SSPN: variants seen among roughly 807,000 people sequenced by gnomAD.
The protein encoded by SSPN is sarcospan, also known as K-ras oncogene-associated protein.
Under a neutral mutation model 19.1 loss-of-function variants are expected in SSPN, and 15 were observed. That is an observed-to-expected ratio of 0.78 (90% CI 0.52 to 1.21). The LOEUF (loss-of-function observed/expected upper bound fraction) is 1.21, where lower values mean the gene tolerates loss of function less well. Ranked by LOEUF, SSPN falls within the 50% of genes most tolerant of loss-of-function variation. The pLI, the probability that SSPN is intolerant of heterozygous loss-of-function variation, is 0.00. For missense variants in SSPN, 291 were observed against 314.0 expected, an observed-to-expected ratio of 0.93 and a Z score of 0.55; for synonymous variants, 147 against 140.3, an observed-to-expected ratio of 1.05 and a Z score of -0.34.
chr12:26,150,712 A>T (rs1944520592), intron 1 of SSPN, among the ~76,000 whole-genome samples: 1 of 152,236 alleles, frequency 6.6e-6, no homozygotes, highest in Non-Finnish European at 1.5e-5. Flanking sequence ...GTCATAAACC[A>T]GCATAAAGCC....
chr12:26,165,628 G>A (rs1944616109), intron 1 of SSPN, among the ~76,000 whole-genome samples: 1 of 152,172 alleles, frequency 6.6e-6, no homozygotes, highest in Admixed American at 6.5e-5. Context: ...CAGCCCTAGG[G>A]GCAGGGAACA....
chr12:26,177,350 C>T (rs1317830402), intron 1 of SSPN, among the ~76,000 whole-genome samples: 1 of 152,176 alleles, frequency 6.6e-6, no homozygotes, highest in Non-Finnish European at 1.5e-5. Flanking sequence ...CTACATGGCT[C>T]TAGACACTCA....
At chr12:26,136,050 A>C (rs1382861151) in intron 1 of SSPN, among the ~76,000 whole-genome samples, 3 of 152,238 alleles carry the variant, frequency 2.0e-5, no homozygotes, top group Non-Finnish European at 4.4e-5. Flanking sequence ...AAATATTTGA[A>C]AATAAATTGT....
chr12:26,190,800 A>G (rs1944782776), upstream of SSPN, among the ~76,000 whole-genome samples: 1 of 152,216 alleles, frequency 6.6e-6, no homozygotes, highest in African/African-American at 2.4e-5. Context: ...ATACAATAAC[A>G]TGCACAGATC....
chr12:26,215,211 T>C (rs755933951), intron 1 of SSPN, among the ~76,000 whole-genome samples: 1 of 152,224 alleles, frequency 6.6e-6, no homozygotes, highest in Admixed American at 6.5e-5. Context: ...TGGCCATTGA[T>C]AGCAAGATCT....
chr12:26,220,733 C>T (rs1458019221), intron 1 of SSPN, among the ~76,000 whole-genome samples: 1 of 152,174 alleles, frequency 6.6e-6, no homozygotes, highest in Non-Finnish European at 1.5e-5. Flanking sequence ...TTCTGCCCCT[C>T]CTTTTCTATC....
chr12:26,232,103 G>A lies in SSPN; in HGVS notation c.*1027G>A. 1.0e-6 allele frequency: 1 copy of A among 985,442 alleles called. No individual in the cohort carries two copies. Among genetic ancestry groups the A allele is most frequent in the Non-Finnish European group, 1.2e-6 (1 of 829,920 alleles). The allele number at this position is 985,442 out of a possible 1,614,324, so 61.0% of individuals were successfully genotyped here. On this transcript the variant is annotated 3_prime_UTR_variant, in exon 3 of 3. Transcript: ENST00000242729. ...AAGTGTTTATACAAACAGCACATTT[G>A]TGATATGTTGAAAAGCATCTCTCTT...
rs752824233 is a variant in SSPN at position 26,230,895 on chromosome 12, G to A, written c.551G>A (p.Cys184Tyr). 3.7e-6 allele frequency: 6 copies of A among 1,614,158 alleles called. No homozygotes were observed. The highest frequency in any genetic ancestry group is 4.2e-6 in the Non-Finnish European group (5 of 1,180,032). ...RTFVYRDVTD[C>Y]TSVTGTFKLF... ...TTTGTTTACCGGGATGTGACGGACT[G>A]TACCAGCGTCACTGGCACTTTCAAA... Residue 184 changes from cysteine (C) to tyrosine (Y), a missense_variant, in exon 3 of 3, where the codon TGT (cysteine) becomes TAT (tyrosine). By Grantham distance (194) the Cys-to-Tyr change is radical. Coordinates refer to ENST00000242729, the MANE Select transcript of SSPN (RefSeq NM_005086.5).
intron 1 of SSPN, among the ~76,000 whole-genome samples, chr12:26,217,206 A>G (rs1945062927): frequency 8.4e-6 from 1 of 118,678 alleles, no homozygotes; most frequent in African/African-American, 3.3e-5. Context: ...CCTACCCATG[A>G]GCATGGAATG....
intron 1 of SSPN, among the ~76,000 whole-genome samples, chr12:26,142,271 T>C (rs1944465170): frequency 6.6e-6 from 1 of 152,172 alleles, no homozygotes; most frequent in African/African-American, 2.4e-5. Flanking sequence ...GTTGATAGTA[T>C]ATTGAAGGGG....
chr12:26,150,207 G>A (rs1043395835), intron 1 of SSPN, among the ~76,000 whole-genome samples: 3 of 152,174 alleles, frequency 2.0e-5, no homozygotes, highest in Admixed American at 6.5e-5. Context: ...GTTTGACTCC[G>A]GAGCAGCTTG....
intron 1 of SSPN, among the ~76,000 whole-genome samples, chr12:26,219,472 G>A (rs1329161606): frequency 6.0e-5 from 2 of 33,278 alleles, no homozygotes; most frequent in Non-Finnish European, 1.2e-4. Flanking sequence ...CTCAGGACTC[G>A]CACATCCACA....
intron 1 of SSPN, chr12:26,214,772 T>G (rs2137488398): frequency 6.6e-6 from 1 of 152,294 alleles, no homozygotes; most frequent in East Asian, 1.9e-4. Flanking sequence ...TTTATCTTGC[T>G]TTTACCTAAA....
intron 1 of SSPN, among the ~76,000 whole-genome samples, chr12:26,174,759 G>T (rs1944674318): frequency 1.3e-5 from 2 of 152,182 alleles, no homozygotes; most frequent in Middle Eastern, 3.4e-3. Context: ...GATCTCAGGT[G>T]GTCCACCCAC....
chr12:26,172,775 T>C (rs1944661355), intron 1 of SSPN, among the ~76,000 whole-genome samples: 1 of 152,146 alleles, frequency 6.6e-6, no homozygotes, highest in African/African-American at 2.4e-5. Flanking sequence ...CTCTTTTTTT[T>C]TTTTTGAAAC....
chr12:26,122,055 G>A (rs1268720493), exon 1 of SSPN: 3 of 1,549,380 alleles, frequency 1.9e-6, no homozygotes, highest in Non-Finnish European at 1.7e-6. Flanking sequence ...CGTCCTTCGG[G>A]ACGCAAGGAT....
At chr12:26,168,215 A>G (rs1944632824) in intron 1 of SSPN, among the ~76,000 whole-genome samples, 1 of 2,574 alleles carries the variant, frequency 3.9e-4, no homozygotes, top group Non-Finnish European at 8.2e-4. Context: ...CCTGTCTCAG[A>G]AAAAAAAAAA....
At chr12:26,134,455 C>T (rs1001303322) in intron 1 of SSPN, among the ~76,000 whole-genome samples, 13 of 152,186 alleles carry the variant, frequency 8.5e-5, no homozygotes, top group African/African-American at 3.1e-4. Flanking sequence ...TCTGTCTTCC[C>T]CACTAGTTTG....
intron 1 of SSPN, among the ~76,000 whole-genome samples, chr12:26,222,345 T>A (rs1050947731): frequency 6.6e-6 from 1 of 152,212 alleles, no homozygotes; most frequent in Non-Finnish European, 1.5e-5. Flanking sequence ...CATAGGCAGC[T>A]TATTGATTAT....
Sources: allele counts gnomAD v4.1 joint callset (sites outside exome capture counted in the v4.1 genomes callset), GRCh38; gene constraint gnomAD v4.1.1; transcripts MANE v1.5; gene names NCBI Gene and HGNC (gene_info 2026-07-23, HGNC 2026-07-21).